Variants in DOCK3 observed in about 807,000 individuals in gnomAD.
DOCK3 encodes the protein dedicator of cytokinesis 3, also known as dedicator of cytokinesis protein 3.
DOCK3 carries 60 observed loss-of-function variants against 265.6 expected under a neutral mutation model. The observed-to-expected ratio is 0.23, with a 90% CI of 0.18 to 0.28. DOCK3 has a LOEUF of 0.28. DOCK3 is among the 10% of genes least tolerant of loss of function. The pLI is 1.00. For synonymous variants in DOCK3, 881 were observed against 938.0 expected (o/e 0.94, Z 1.11); for missense variants, 1,981 against 2,594.3 (o/e 0.76, Z 5.14).
intron 2 of DOCK3, among the ~76,000 whole-genome samples, chr3:50,782,289 A>ATTTTTTT (rs71084112): frequency 0.02 from 2,230 of 109,958 alleles, 172 homozygotes; most frequent in African/African-American, 0.024. Flanking sequence ...AGTACCTGTT[A>ATTTTTTT]TTTTTTTTTT....
chr3:51,226,851 A>G (rs1296276489), intron 15 of DOCK3, among the ~76,000 whole-genome samples: 1 of 152,252 alleles, frequency 6.6e-6, no homozygotes, highest in Non-Finnish European at 1.5e-5. Flanking sequence ...ATGCCAGTCC[A>G]ATGTAGGACT....
chr3:50,745,300 C>T (rs1576313798), intron 1 of DOCK3, among the ~76,000 whole-genome samples: 2 of 152,224 alleles, frequency 1.3e-5, no homozygotes, highest in African/African-American at 4.8e-5. Flanking sequence ...CCCACCTCAG[C>T]CTCCCAAAGT....
intron 32 of DOCK3, among the ~76,000 whole-genome samples, chr3:51,328,123 T>C (rs1190392741): frequency 3.9e-5 from 6 of 152,194 alleles, no homozygotes; most frequent in African/African-American, 1.4e-4. Context: ...CCTGAGAATT[T>C]TAATTTCTAA....
intron 12 of DOCK3, among the ~76,000 whole-genome samples, chr3:51,176,566 C>T (rs2086966824): frequency 6.6e-6 from 1 of 152,098 alleles, no homozygotes; most frequent in Non-Finnish European, 1.5e-5. Flanking sequence ...GCGGAGCTTG[C>T]AGTGAGCTGA....
chr3:51,215,250 C>T (rs1223327196), intron 14 of DOCK3, among the ~76,000 whole-genome samples: 2 of 152,006 alleles, frequency 1.3e-5, no homozygotes, highest in Non-Finnish European at 2.9e-5. Flanking sequence ...TGCGACTACA[C>T]GTGTACATCA....
intron 7 of DOCK3, among the ~76,000 whole-genome samples, chr3:51,081,661 C>G (rs2082243855): frequency 1.3e-5 from 2 of 151,928 alleles, no homozygotes; most frequent in Admixed American, 1.3e-4. Context: ...TTTGGGAGGC[C>G]AAGGCAGACA....
chr3:50,901,708 C>A (rs1190940089), intron 4 of DOCK3: 1 of 453,662 alleles, frequency 2.2e-6, no homozygotes, highest in Non-Finnish European at 4.4e-6. Flanking sequence ...CTCATGGCTA[C>A]CCTTGGCTAG....
intron 32 of DOCK3, among the ~76,000 whole-genome samples, chr3:51,317,912 ATAGT>A (rs1405041674): frequency 2.6e-5 from 4 of 152,132 alleles, no homozygotes; most frequent in African/African-American, 9.7e-5. Context: ...TAGTAGCTTT[ATAGT>A]TAGTCTTAAA....
intron 28 of DOCK3, 56 bp downstream of exon 28, chr3:51,310,382 A>C: frequency 6.9e-7 from 1 of 1,442,630 alleles, no homozygotes. Context: ...GACTAAGAAG[A>C]GTATGTGTAT....
At chr3:50,827,215 T>C (rs1406168368) in intron 2 of DOCK3, among the ~76,000 whole-genome samples, 1 of 151,986 alleles carries the variant, frequency 6.6e-6, no homozygotes, top group Non-Finnish European at 1.5e-5. Flanking sequence ...CGAAGGAAAA[T>C]GTGTGTTATA....
chr3:50,778,977 G>T (rs893055242), intron 2 of DOCK3, among the ~76,000 whole-genome samples: 1 of 152,008 alleles, frequency 6.6e-6, no homozygotes, highest in African/African-American at 2.4e-5. Context: ...ATTAATTTCT[G>T]GCTGTCAGAA....
intron 5 of DOCK3, among the ~76,000 whole-genome samples, chr3:51,053,119 A>ATATG (rs1559994267): frequency 5.7e-5 from 7 of 122,192 alleles, no homozygotes; most frequent in African/African-American, 2.1e-4. Flanking sequence ...ATATATATAT[A>ATATG]TATGGATTTT....
At chr3:50,685,419 TTGAG>T (rs2034719936) in intron 1 of DOCK3, 1 of 152,698 alleles carries the variant, frequency 6.5e-6, no homozygotes, top group South Asian at 2.1e-4. Context: ...GTTCCACTTC[TTGAG>T]TATCAGTTGT....
chr3:51,020,703 G>A lies in DOCK3; in HGVS notation c.316-43745G>A, dbSNP rs529595735. 2.4e-4 allele frequency among the ~76,000 whole-genome samples: 37 copies of A among 151,824 alleles called. 1 individual carries two copies. Among genetic ancestry groups the A allele is most frequent in the Middle Eastern group, 6.8e-3 (2 of 294 alleles). ...TTCTGCATATGGCTAGCCAGTTCTC[G>A]CAATACCATTTATTAAATAGGGAAT... On this transcript the variant is annotated intron_variant, in intron 5 of 52. Transcript: ENST00000266037.
intron 32 of DOCK3, among the ~76,000 whole-genome samples, chr3:51,317,150 T>C (rs2083410609): frequency 6.6e-6 from 1 of 151,898 alleles, no homozygotes; most frequent in Non-Finnish European, 1.5e-5. Flanking sequence ...GTATGAAGGA[T>C]GGATCAGGTT....
At chr3:51,057,558 A>T (rs550703303) in intron 5 of DOCK3, among the ~76,000 whole-genome samples, 1 of 152,200 alleles carries the variant, frequency 6.6e-6, no homozygotes, top group South Asian at 2.1e-4. Context: ...GTAGAAAAGG[A>T]TTGTTTTTCC....
chr3:51,305,132 AGTTGTTCTGACT>A (rs1435323874), intron 27 of DOCK3, among the ~76,000 whole-genome samples: 1 of 152,198 alleles, frequency 6.6e-6, no homozygotes, highest in Non-Finnish European at 1.5e-5. Flanking sequence ...TCTTCTGTCT[AGTTGTTCTGACT>A]GTTAGTGGTA....
At chr3:51,309,295 T>C (rs1013740730) in intron 27 of DOCK3, among the ~76,000 whole-genome samples, 6 of 152,140 alleles carry the variant, frequency 3.9e-5, no homozygotes, top group South Asian at 2.1e-4. Flanking sequence ...CTGGGCACCA[T>C]TGAGCACTGA....
At chr3:51,337,778 C>A (rs2084966079) in intron 35 of DOCK3, among the ~76,000 whole-genome samples, 2 of 152,204 alleles carry the variant, frequency 1.3e-5, no homozygotes, top group African/African-American at 2.4e-5. Context: ...TACACCCAGA[C>A]CCTGCTAGGT....
Sources: allele counts gnomAD v4.1 joint callset (sites outside exome capture counted in the v4.1 genomes callset), GRCh38; gene constraint gnomAD v4.1.1; transcripts MANE v1.5; gene names NCBI Gene and HGNC (gene_info 2026-07-23, HGNC 2026-07-21).